LHPP: variants seen among roughly 807,000 people sequenced by gnomAD.
The protein encoded by LHPP is hLHPP.
In LHPP, 24 loss-of-function variants were observed where a neutral mutation model predicts 30.3. The observed-to-expected ratio is 0.79, with a 90% CI of 0.57 to 1.11. The LOEUF is 1.11. LHPP is among the 50% of genes most tolerant of loss of function. The pLI is 0.00. For missense variants in LHPP, 356 were observed against 367.2 expected (o/e 0.97, Z 0.25); for synonymous variants, 150 against 157.1 (o/e 0.95, Z 0.34).
chr10:124,534,992 A>G (rs909465721), intron 6 of LHPP, among the ~76,000 whole-genome samples: 2 of 152,190 alleles, frequency 1.3e-5, no homozygotes, highest in Non-Finnish European at 2.9e-5. Context: ...GCCTATTGTT[A>G]CAGCACGCAG....
At chr10:124,474,138 T>TTG (rs1952872332) in intron 1 of LHPP, among the ~76,000 whole-genome samples, 1 of 140,010 alleles carries the variant, frequency 7.1e-6, no homozygotes, top group African/African-American at 2.6e-5. Flanking sequence ...TGCCCTTTTT[T>TTG]TTTTTTTTTT....
At chr10:124,598,616 T>A (rs1948982336) in intron 6 of LHPP, among the ~76,000 whole-genome samples, 1 of 143,556 alleles carries the variant, frequency 7.0e-6, no homozygotes, top group Non-Finnish European at 1.5e-5. Context: ...CTGGGAGCGG[T>A]CCATCCACCC....
chr10:124,608,580 C>G (rs923125415), intron 6 of LHPP, among the ~76,000 whole-genome samples: 9 of 152,234 alleles, frequency 5.9e-5, no homozygotes, highest in African/African-American at 1.9e-4. Flanking sequence ...GCGGAGCCAG[C>G]TTTATCCTCA....
At chr10:124,497,106 G>C (rs74160914) in intron 4 of LHPP, 82 bp downstream of exon 4, 57,330 of 1,111,894 alleles carry the variant, frequency 0.052, 1,734 homozygotes, top group Middle Eastern at 0.086. Flanking sequence ...AGAAGAGGCT[G>C]TGCTTAATTA....
rs565393515 is a variant in LHPP at position 124,588,298 on chromosome 10, C to T, written c.717-24966C>T. Among the ~76,000 whole-genome samples the T allele has an allele frequency of 7.5e-5, 11 of 146,976 alleles. No homozygotes were observed. In the East Asian group the frequency reaches 2.2e-3, roughly 29 times the overall value. Reference sequence around the variant, plus strand: ...ACTTATGCTTTTACTTTTTTCTCTTCTTTTTTTTTTTAAGACTGAGTCTTG... The same window carrying T: ...ACTTATGCTTTTACTTTTTTCTCTTTTTTTTTTTTTTAAGACTGAGTCTTG... On this transcript the variant is annotated intron_variant, in intron 6 of 6. Transcript: ENST00000368842.
At chr10:124,531,902 C>T (rs1484262163) in intron 6 of LHPP, among the ~76,000 whole-genome samples, 3 of 152,194 alleles carry the variant, frequency 2.0e-5, no homozygotes, top group African/African-American at 7.2e-5. Context: ...CTATGATGGT[C>T]GCCAAATAAC....
intron 5 of LHPP, among the ~76,000 whole-genome samples, chr10:124,501,610 A>G (rs1441616269): frequency 6.6e-6 from 1 of 150,754 alleles, no homozygotes; most frequent in Non-Finnish European, 1.5e-5. Flanking sequence ...TTAAAAAAAA[A>G]AAAAAAAAAA....
chr10:124,512,478 A>G (rs73365885), intron 5 of LHPP, among the ~76,000 whole-genome samples: 24,072 of 151,798 alleles, frequency 0.16, 2,687 homozygotes, highest in South Asian at 0.32. Context: ...ACAGCGGGGC[A>G]TGGTGGCAGC....
chr10:124,504,595 G>T lies in LHPP; in HGVS notation c.624+6467G>T, dbSNP rs1302996254. Among the ~76,000 whole-genome samples, 21 of 138,558 alleles carry T rather than the reference G, an allele frequency of 1.5e-4. No homozygotes were observed. In the East Asian group the frequency reaches 2.8e-3, roughly 18 times the overall value. 90.9% of individuals were successfully genotyped at this position (138,558 alleles called of 152,430 possible). A position where few individuals can be genotyped will look rare whatever the true frequency, so the allele number is the denominator to read the frequency against. On this transcript the variant is annotated intron_variant, in intron 5 of 6. Transcript: ENST00000368842. ...AGCCTGGGCAACTGAGCGAGACCCT[G>T]TCTCAAAAAAAAAAAAATAGGAAAG...
At chr10:124,553,888 A>G in intron 6 of LHPP, 8 of 985,422 alleles carry the variant, frequency 8.1e-6, no homozygotes, top group Non-Finnish European at 7.2e-6. Flanking sequence ...CATCTGTCTT[A>G]CCACAGGCTA....
chr10:124,559,992 G>T (rs1948366895), intron 6 of LHPP, among the ~76,000 whole-genome samples: 1 of 152,218 alleles, frequency 6.6e-6, no homozygotes, highest in African/African-American at 2.4e-5. Context: ...TCAGGAGCTG[G>T]GAGGAGGCAT....
At chr10:124,544,707 C>T (rs977632143) in intron 6 of LHPP, among the ~76,000 whole-genome samples, 12 of 152,196 alleles carry the variant, frequency 7.9e-5, no homozygotes, top group Non-Finnish European at 1.3e-4. Context: ...GCTGAGTGGC[C>T]GGGCCTCGGT....
chr10:124,585,585 A>T (rs1948794052), intron 6 of LHPP, among the ~76,000 whole-genome samples: 1 of 151,466 alleles, frequency 6.6e-6, no homozygotes, highest in South Asian at 2.1e-4. Context: ...ATCACACTCC[A>T]GTCTGGGCGA....
At position 124,466,547 on chromosome 10, in the gene LHPP, C is replaced by T. The variant is rs182120609; in HGVS notation, c.125+4560C>T. Among the ~76,000 whole-genome samples, 48 of 152,232 alleles carry T rather than the reference C, an allele frequency of 3.2e-4. No individual in the cohort carries two copies. The East Asian group carries it at 5.1e-3, about 16-fold the overall frequency. On this transcript the variant is annotated intron_variant, in intron 1 of 6. Transcript: ENST00000368842. ...TTTTGGCTTACTGTAACCTCTGCCTCCTGGGTTCAAGTGATTATCCTGCCT... is the reference window on the plus strand; with the variant it reads ...TTTTGGCTTACTGTAACCTCTGCCTTCTGGGTTCAAGTGATTATCCTGCCT...
Position 124,613,510 on chromosome 10 carries a change from C to A in LHPP, c.*150C>A. On this transcript the variant is annotated 3_prime_UTR_variant, in exon 7 of 7. Transcript: ENST00000368842. ...CACCCCTGCCTCCCCTCCACCTGCCCCAGTGCCCAGACCAACCAAGGCCCT... is the reference window on the plus strand; with the variant it reads ...CACCCCTGCCTCCCCTCCACCTGCCACAGTGCCCAGACCAACCAAGGCCCT... 1.5e-6 allele frequency: 1 copy of A among 653,716 alleles called. No homozygotes were observed. The highest frequency in any genetic ancestry group is 2.1e-5 in the Admixed American group (1 of 47,292). The allele number at this position is 653,716 out of a possible 1,614,324, so 40.5% of individuals were successfully genotyped here. A position where few individuals can be genotyped will look rare whatever the true frequency, so the allele number is the denominator to read the frequency against.
At chr10:124,471,482 T>G (rs56367992) in intron 1 of LHPP, among the ~76,000 whole-genome samples, 22 of 1,908 alleles carry the variant, frequency 0.012, 4 homozygotes, top group Admixed American at 0.071. Flanking sequence ...TTATATATAT[T>G]TATATATTTA....
intron 6 of LHPP, among the ~76,000 whole-genome samples, chr10:124,612,253 A>C (rs1164916448): frequency 6.6e-6 from 1 of 151,864 alleles, no homozygotes; most frequent in Non-Finnish European, 1.5e-5. Context: ...TAAAAAATAC[A>C]AAAAAAGCCG....
At position 124,576,478 on chromosome 10, in the gene LHPP, C is replaced by A. The variant is rs1948663875; in HGVS notation, c.717-36786C>A. Among the ~76,000 whole-genome samples, 1 of 116,282 alleles carries A rather than the reference C, an allele frequency of 8.6e-6. No homozygotes were observed. The highest frequency in any genetic ancestry group is 3.7e-5 in the African/African-American group (1 of 27,162). The allele number at this position is 116,282 out of a possible 152,430, so 76.3% of individuals were successfully genotyped here. A position where few individuals can be genotyped will look rare whatever the true frequency, so the allele number is the denominator to read the frequency against. On this transcript the variant is annotated intron_variant, in intron 6 of 6. Coordinates refer to ENST00000368842, the MANE Select transcript of LHPP (RefSeq NM_022126.4). The surrounding 1 kb of genome is among the most constrained non-coding windows in gnomAD (Gnocchi z 4.2). ...CATCCTGCCTCCAGAACCCCTATAT[C>A]TTGCTCCCACTCCCTACCATATGCT... is the stretch of plus-strand genomic sequence containing the variant.
At chr10:124,531,212 C>T (rs911816383) in intron 6 of LHPP, among the ~76,000 whole-genome samples, 1 of 152,098 alleles carries the variant, frequency 6.6e-6, no homozygotes, top group African/African-American at 2.4e-5. Context: ...CTGAGGGATC[C>T]GCTGCCCTCC....
Sources: allele counts gnomAD v4.1 joint callset (sites outside exome capture counted in the v4.1 genomes callset), GRCh38; gene constraint gnomAD v4.1.1; non-coding constraint Gnocchi (gnomAD v3.1); transcripts MANE v1.5; gene names NCBI Gene and HGNC (gene_info 2026-07-23, HGNC 2026-07-21).